The following TBCEL variants were observed in gnomAD, a reference collection of about 807,000 sequenced individuals.
The protein encoded by TBCEL is tubulin folding cofactor E like, also known as tubulin-specific chaperone cofactor E-like protein.
TBCEL carries 15 observed loss-of-function variants against 44.2 expected under a neutral mutation model. The ratio of observed to expected loss-of-function variants is 0.34; its 90% CI spans 0.23 to 0.52. The LOEUF (loss-of-function observed/expected upper bound fraction) is 0.52, where lower values mean the gene tolerates loss of function less well. Ranked by LOEUF, TBCEL falls within the 20% of genes least tolerant of loss-of-function variation. TBCEL has a pLI of 0.95. For missense variants in TBCEL, 319 were observed against 506.3 expected, an observed-to-expected ratio of 0.63 and a Z score of 3.55; for synonymous variants, 171 against 185.4, an observed-to-expected ratio of 0.92 and a Z score of 0.63.
intron 7 of TBCEL, among the ~76,000 whole-genome samples, chr11:121,058,702 T>C (rs1945666256): frequency 6.6e-6 from 1 of 151,930 alleles, no homozygotes; most frequent in Non-Finnish European, 1.5e-5. Flanking sequence ...AAAATATTTC[T>C]ACAAATCTGT....
intron 6 of TBCEL, chr11:121,057,457 C>T (rs1945641542): frequency 3.3e-6 from 1 of 305,036 alleles, no homozygotes; most frequent in South Asian, 3.0e-5. Context: ...GTTACATATT[C>T]TCCTTACTCA....
chr11:121,061,797 G>A (rs941282475), intron 8 of TBCEL, among the ~76,000 whole-genome samples: 1 of 152,200 alleles, frequency 6.6e-6, no homozygotes, highest in South Asian at 2.1e-4. Flanking sequence ...GTGAGTGAAT[G>A]TGGAGGCCTA....
intron 1 of TBCEL, among the ~76,000 whole-genome samples, chr11:121,032,081 C>T (rs886825800): frequency 7.2e-5 from 11 of 152,152 alleles, no homozygotes; most frequent in African/African-American, 1.9e-4. Flanking sequence ...TTATTTTTTT[C>T]TCAAGGAGAT....
intron 8 of TBCEL, among the ~76,000 whole-genome samples, chr11:121,067,864 C>T (rs1260250118): frequency 2.0e-5 from 3 of 152,202 alleles, no homozygotes; most frequent in Non-Finnish European, 2.9e-5. Context: ...TGAATACCTA[C>T]TAAGGACCAA....
In TBCEL at chr11:121,047,652, C is replaced by G; in HGVS notation, c.258C>G (p.Leu86=). The change falls in exon 4 of 9, where the codon CTC becomes CTG. Residue 86 remains leucine (L), a synonymous_variant. Coordinates refer to ENST00000683345, the MANE Select transcript of TBCEL (RefSeq NM_001363644.2). ...VSELDLSDNK[L]EDWHEVSKIV... is the part of the protein sequence containing the mutation. Reference sequence around the variant, plus strand: ...AACTAGATCTTTCTGACAACAAACTCGAAGACTGGCATGAGGTGAAGTTTT... The same window carrying G: ...AACTAGATCTTTCTGACAACAAACTGGAAGACTGGCATGAGGTGAAGTTTT... 1.2e-6 allele frequency: 2 copies of G among 1,612,314 alleles called. No homozygotes were observed. Among genetic ancestry groups the G allele is most frequent in the East Asian group, 2.2e-5 (1 of 44,820 alleles).
intron 2 of TBCEL, among the ~76,000 whole-genome samples, chr11:121,044,212 A>C (rs1378109041): frequency 6.6e-6 from 1 of 151,710 alleles, no homozygotes; most frequent in African/African-American, 2.4e-5. Context: ...TATCTTCCTA[A>C]CTCTTCTCCC....
intron 8 of TBCEL, among the ~76,000 whole-genome samples, chr11:121,066,450 T>C (rs1054668527): frequency 6.6e-6 from 1 of 152,214 alleles, no homozygotes; most frequent in African/African-American, 2.4e-5. Flanking sequence ...ATCTTTGGTT[T>C]TCTACCAATC....
rs1413568860 is a variant in TBCEL at position 121,047,641 on chromosome 11, G to A, written c.247G>A (p.Asp83Asn). The A allele has an allele frequency of 6.2e-7, 1 of 1,612,526 alleles. No homozygotes were observed. Among genetic ancestry groups the A allele is most frequent in the Non-Finnish European group, 8.5e-7 (1 of 1,179,102 alleles). ...TCATGTGTCGGAACTAGATCTTTCTGACAACAAACTCGAAGACTGGCATGA... is the reference window on the plus strand; with the variant it reads ...TCATGTGTCGGAACTAGATCTTTCTAACAACAAACTCGAAGACTGGCATGA... ...CAHVSELDLSDNKLEDWHEVS... is the reference protein window; with the variant it reads ...CAHVSELDLSNNKLEDWHEVS... Residue 83 changes from aspartate (D) to asparagine (N), a missense_variant, in exon 4 of 9, where the codon GAC becomes AAC. Asp to Asn is a conservative substitution (Grantham distance 23). Coordinates refer to ENST00000683345, the MANE Select transcript of TBCEL (RefSeq NM_001363644.2).
intron 8 of TBCEL, among the ~76,000 whole-genome samples, chr11:121,074,694 G>C (rs1362401825): frequency 6.6e-6 from 1 of 151,766 alleles, no homozygotes; most frequent in Non-Finnish European, 1.5e-5. Context: ...ATATAGAACA[G>C]TTCCATCATC....
chr11:121,078,319 G>A (rs1384321777), intron 8 of TBCEL, among the ~76,000 whole-genome samples: 1 of 152,056 alleles, frequency 6.6e-6, no homozygotes, highest in Non-Finnish European at 1.5e-5. Context: ...AGATACATAT[G>A]CATTTTGGAT....
intron 8 of TBCEL, among the ~76,000 whole-genome samples, chr11:121,060,630 A>G (rs1420859781): frequency 6.6e-6 from 1 of 151,962 alleles, no homozygotes; most frequent in Admixed American, 6.6e-5. Context: ...ATGAAGAGTT[A>G]ATAAATATTG....
At chr11:121,047,474 T>C (rs1945450188) in intron 3 of TBCEL, 54 bp from the exon 4 acceptor site, 8 of 1,602,824 alleles carry the variant, frequency 5.0e-6, no homozygotes, top group Non-Finnish European at 6.8e-6. Context: ...GCTGAACATA[T>C]GTAGACAAGA....
Position 121,047,618 on chromosome 11 carries a change from A to G in TBCEL, c.224A>G (p.His75Arg), listed in dbSNP as rs1381375993. 6.2e-7 allele frequency: 1 copy of G among 1,612,670 alleles called. No individual in the cohort carries two copies. The highest frequency in any genetic ancestry group is 8.5e-7 in the Non-Finnish European group (1 of 1,179,170). ...DEKEIAAFCAHVSELDLSDNK... is the reference protein window; with the variant it reads ...DEKEIAAFCARVSELDLSDNK... Reference sequence around the variant, plus strand: ...AAAGAAATTGCTGCTTTCTGCGCTCATGTGTCGGAACTAGATCTTTCTGAC... The same window carrying G: ...AAAGAAATTGCTGCTTTCTGCGCTCGTGTGTCGGAACTAGATCTTTCTGAC... Residue 75 changes from histidine (H) to arginine (R), a missense_variant, in exon 4 of 9, where the codon CAT (histidine) becomes CGT (arginine). By Grantham distance (29) the His-to-Arg change is conservative. Coordinates refer to ENST00000683345, the MANE Select transcript of TBCEL (RefSeq NM_001363644.2).
chr11:121,077,568 C>A (rs1946054529), intron 8 of TBCEL, among the ~76,000 whole-genome samples: 1 of 152,004 alleles, frequency 6.6e-6, no homozygotes, highest in African/African-American at 2.4e-5. Flanking sequence ...TTTAAAGAAC[C>A]AGCTTCGGGT....
intron 8 of TBCEL, among the ~76,000 whole-genome samples, chr11:121,078,254 A>C (rs965485238): frequency 2.0e-5 from 3 of 152,018 alleles, no homozygotes; most frequent in Admixed American, 6.6e-5. Context: ...GTTTATTTTT[A>C]TTTGTTGTTC....
At chr11:121,064,519 C>T (rs1303145957) in intron 8 of TBCEL, among the ~76,000 whole-genome samples, 1 of 152,168 alleles carries the variant, frequency 6.6e-6, no homozygotes, top group Non-Finnish European at 1.5e-5. Context: ...ATTTTACTTA[C>T]TGTTCTGGCC....
At chr11:121,053,085 C>T (rs1945558324) in intron 4 of TBCEL, among the ~76,000 whole-genome samples, 1 of 151,614 alleles carries the variant, frequency 6.6e-6, no homozygotes, top group Non-Finnish European at 1.5e-5. Context: ...ATAATGTAGT[C>T]AAATTTAACA....
At position 121,053,521 on chromosome 11, in the gene TBCEL, C is replaced by G. The variant is rs756680866; in HGVS notation, c.274-30C>G. On this transcript the variant is annotated intron_variant, in intron 4 of 8. Transcript: ENST00000683345. ...GCTATTTAACAGCTCTGATTACTGC[C>G]TGATAATGCTTTTCTTTTTTTCTCC... 5 of 1,604,052 alleles carry G rather than the reference C, an allele frequency of 3.1e-6. No individual in the cohort carries two copies. The South Asian group carries it at 5.5e-5, about 18-fold the overall frequency.
chr11:121,086,282 C>T (rs1323705172), intron 8 of TBCEL, among the ~76,000 whole-genome samples: 2 of 152,210 alleles, frequency 1.3e-5, no homozygotes, highest in Non-Finnish European at 1.5e-5. Flanking sequence ...AACGTTCAAA[C>T]AAGGCATCTC....
Sources: gnomAD v4.1 joint callset for allele counts (sites outside exome capture counted in the v4.1 genomes callset) on GRCh38, gnomAD v4.1.1 for gene constraint, MANE v1.5 for transcripts, NCBI Gene and HGNC (gene_info 2026-07-23, HGNC 2026-07-21) for gene names.